CYBB: variants seen among roughly 807,000 people sequenced by gnomAD.
CYBB encodes the protein cytochrome b-245 beta chain.
CYBB carries 5 observed loss-of-function variants against 46.5 expected under a neutral mutation model. The observed-to-expected ratio is 0.11, with a 90% CI of 0.06 to 0.23. The LOEUF (loss-of-function observed/expected upper bound fraction) is 0.23, where lower values mean the gene tolerates loss of function less well. Ranked by LOEUF, CYBB falls within the 10% of genes least tolerant of loss-of-function variation. CYBB has a pLI of 1.00. For synonymous variants in CYBB, 183 were observed against 156.7 expected (o/e 1.17, Z -1.26); for missense variants, 307 against 428.3 (o/e 0.72, Z 2.50).
At chrX:37,798,715 C>T (rs1411046882) in intron 6 of CYBB, among the ~76,000 whole-genome samples, 4 of 112,166 alleles carry the variant, frequency 3.6e-5, no homozygotes, top group African/African-American at 9.7e-5. Flanking sequence ...TTTGATCCAA[C>T]ACTTACCCTC....
In CYBB at chrX:37,805,187, C is replaced by G. The variant is rs34834015; in HGVS notation, c.1314+19C>G. On this transcript the variant is annotated intron_variant, in intron 10 of 12. Coordinates refer to ENST00000378588, the MANE Select transcript of CYBB (RefSeq NM_000397.4). Reference sequence around the variant, plus strand: ...CAAAAAGGTAAGTCCTTTCATTTATCGGAGGGCCTTAGAGCAGTAACCATA... The same window carrying G: ...CAAAAAGGTAAGTCCTTTCATTTATGGGAGGGCCTTAGAGCAGTAACCATA... 1.8e-5 allele frequency: 22 copies of G among 1,203,177 alleles called. No homozygotes were observed. In the African/African-American group the frequency reaches 2.5e-4, roughly 13 times the overall value.
In CYBB at chrX:37,798,942, A is replaced by G. The variant is rs1929374557; in HGVS notation, c.675-13A>G. The G allele has an allele frequency of 8.3e-7, 1 of 1,201,061 alleles. No homozygotes were observed. Among genetic ancestry groups the G allele is most frequent in the Non-Finnish European group, 1.1e-6 (1 of 888,267 alleles). ...CTATTACTAAATGATCTGGACTTAC[A>G]TTTTTCACCCAGACGAATTGTACGT... is the stretch of plus-strand genomic sequence containing the variant. On this transcript the variant is annotated splice_polypyrimidine_tract_variant and intron_variant, in intron 6 of 12. Coordinates refer to ENST00000378588, the MANE Select transcript of CYBB (RefSeq NM_000397.4).
intron 3 of CYBB, among the ~76,000 whole-genome samples, chrX:37,787,989 A>G (rs183976608): frequency 3.8e-4 from 42 of 111,693 alleles, no homozygotes; most frequent in African/African-American, 1.3e-3. Flanking sequence ...AATATAATAT[A>G]TGTGTTTTAC....
Position 37,804,093 on chromosome X carries a change from G to A in CYBB, c.1114G>A (p.Asp372Asn). 1 of 1,210,668 alleles carries A rather than the reference G, an allele frequency of 8.3e-7. No homozygotes were observed. Among genetic ancestry groups the A allele is most frequent in the Non-Finnish European group, 1.1e-6 (1 of 894,874 alleles). The change falls in exon 9 of 13, where the codon GAT becomes AAT. Residue 372 changes from aspartate to asparagine, a missense_variant. By Grantham distance (23) the Asp-to-Asn change is conservative. This residue lies in a region of CYBB where 122 missense variants were observed against 208.3 expected (regional missense o/e 0.59). Transcript: ENST00000378588. ...TEGLFNACGC[D>N]KQEFQDAWKL... is the part of the protein sequence containing the mutation. The stretch of plus-strand genomic sequence containing the variant: ...GGGGCTGTTCAATGCTTGTGGCTGT[G>A]ATAAGCAGGAGTTTCAAGATGCGTG...
chrX:37,796,321 T>C (rs1427505743), intron 6 of CYBB, among the ~76,000 whole-genome samples, 180 bp downstream of exon 6: 5 of 111,723 alleles, frequency 4.5e-5, no homozygotes, highest in African/African-American at 1.3e-4. Context: ...TTTTGTTTCA[T>C]GCACCCATGT....
Position 37,799,204 on chromosome X carries a change from A to G in CYBB, c.804+120A>G, listed in dbSNP as rs1929384598. ...ATGTCCATTACAAATGTCATGGAACAGCTAAAACATGTGTCTACTTTTCTC... is the reference window on the plus strand; with the variant it reads ...ATGTCCATTACAAATGTCATGGAACGGCTAAAACATGTGTCTACTTTTCTC... On this transcript the variant is annotated intron_variant, in intron 7 of 12. Coordinates refer to ENST00000378588, the MANE Select transcript of CYBB (RefSeq NM_000397.4). 8 of 689,153 alleles carry G rather than the reference A, an allele frequency of 1.2e-5. No individual in the cohort carries two copies. In the Admixed American group the frequency reaches 1.9e-4, roughly 17 times the overall value. 56.8% of individuals were successfully genotyped at this position (689,153 alleles called of 1,213,427 possible). A position where few individuals can be genotyped will look rare whatever the true frequency, so the allele number is the denominator to read the frequency against.
chrX:37,792,059 G>A lies in CYBB; in HGVS notation c.337G>A (p.Ala113Thr), dbSNP rs1267047739. ...GGCATGGATGATTGCACTTCACTCT[G>A]GTAAGTTTATTAAAGAAAACTTGGA... is the stretch of plus-strand genomic sequence containing the variant. ...MVAWMIALHSAIHTIAHLFNV... is the reference protein window; with the variant it reads ...MVAWMIALHSTIHTIAHLFNV... Residue 113 changes from alanine to threonine, a missense_variant and splice_region_variant, in exon 4 of 13, where the codon GCG (alanine) becomes ACG (threonine). This residue lies in a region of CYBB where 103 missense variants were observed against 150.2 expected (regional missense o/e 0.69). Transcript: ENST00000378588. 7.6e-6 allele frequency: 9 copies of A among 1,180,145 alleles called. No individual in the cohort carries two copies. Among genetic ancestry groups the A allele is most frequent in the Non-Finnish European group, 1.0e-5 (9 of 868,706 alleles).
At chrX:37,785,601 G>T (rs1929048713) in intron 3 of CYBB, among the ~76,000 whole-genome samples, 1 of 111,544 alleles carries the variant, frequency 9.0e-6, no homozygotes, top group African/African-American at 3.3e-5. Flanking sequence ...CTGGAGTGCA[G>T]TGGTACGATC....
chrX:37,794,425 G>C (rs1929260173), intron 5 of CYBB, among the ~76,000 whole-genome samples: 1 of 111,547 alleles, frequency 9.0e-6, no homozygotes, highest in South Asian at 3.7e-4. Flanking sequence ...CATGATTTTG[G>C]AGTGGTTTTG....
At chrX:37,802,192 G>A (rs34090774) in intron 8 of CYBB, among the ~76,000 whole-genome samples, 4,343 of 111,040 alleles carry the variant, frequency 0.039, 213 homozygotes, top group African/African-American at 0.13. Flanking sequence ...TCTATGGTGG[G>A]TCATAGTAAA....
At position 37,806,411 on chromosome X, in the gene CYBB, G is replaced by T; in HGVS notation, c.1339G>T (p.Asp447Tyr). 8.3e-7 allele frequency: 1 copy of T among 1,210,934 alleles called. No individual in the cohort carries two copies. Among genetic ancestry groups the T allele is most frequent in the Non-Finnish European group, 1.1e-6 (1 of 894,979 alleles). The change falls in exon 11 of 13, where the codon GAC becomes TAC. Residue 447 changes from aspartate to tyrosine, a missense_variant. By Grantham distance (160) the Asp-to-Tyr change is radical. Around this residue, in one of 3 missense-constraint regions of CYBB, gnomAD observed 122 missense variants for 208.3 expected, o/e 0.59. Transcript: ENST00000378588. ...KKIYFYWLCR[D>Y]THAFEWFADL... Reference sequence around the variant, plus strand: ...GATCTACTTCTACTGGCTGTGCCGGGACACACATGCCTTTGAGTGGTTTGC... The same window carrying T: ...GATCTACTTCTACTGGCTGTGCCGGTACACACATGCCTTTGAGTGGTTTGC...
chrX:37,797,632 T>G (rs1287366201), intron 6 of CYBB, among the ~76,000 whole-genome samples: 4 of 112,258 alleles, frequency 3.6e-5, no homozygotes, highest in African/African-American at 1.3e-4. Flanking sequence ...CATTTTGAAC[T>G]TTAATAGTTA....
chrX:37,809,580 C>G lies in CYBB; in HGVS notation c.1475C>G (p.Ala492Gly). The G allele has an allele frequency of 8.3e-7, 1 of 1,200,653 alleles. No homozygotes were observed. The highest frequency in any genetic ancestry group is 1.1e-6 in the Non-Finnish European group (1 of 889,147). Residue 492 changes from alanine (A) to glycine (G), a missense_variant, in exon 12 of 13, where the codon GCT becomes GGT. By Grantham distance (60) the Ala-to-Gly change is moderately conservative. Around this residue, in one of 3 missense-constraint regions of CYBB, gnomAD observed 122 missense variants for 208.3 expected, o/e 0.59. Coordinates refer to ENST00000378588, the MANE Select transcript of CYBB (RefSeq NM_000397.4). Reference sequence around the variant, plus strand: ...CCTTTCCTGTAGGCCAATCACTTTGCTGTGCACCATGATGAGGAGAAAGAT... The same window carrying G: ...CCTTTCCTGTAGGCCAATCACTTTGGTGTGCACCATGATGAGGAGAAAGAT... Reference protein sequence around the residue: ...GWDESQANHFAVHHDEEKDVI... With the variant: ...GWDESQANHFGVHHDEEKDVI...
rs377381024 is a variant in CYBB, at chrX:37,801,368, T to C, written c.897+20T>C. ...ACCAAGGTACTGATTGGTTTAGTAA[T>C]TACTAGTGGTCAGTGTCTAACTATA... On this transcript the variant is annotated intron_variant, in intron 8 of 12. Coordinates refer to ENST00000378588, the MANE Select transcript of CYBB (RefSeq NM_000397.4). 3 of 1,050,322 alleles carry C rather than the reference T, an allele frequency of 2.9e-6. No homozygotes were observed. Among genetic ancestry groups the C allele is most frequent in the Non-Finnish European group, 4.0e-6 (3 of 749,721 alleles). The allele number at this position is 1,050,322 out of a possible 1,213,427, so 86.6% of individuals were successfully genotyped here. A position where few individuals can be genotyped will look rare whatever the true frequency, so the allele number is the denominator to read the frequency against.
rs2146803096 is a variant in CYBB at position 37,782,093 on chromosome X, T to C, written c.51T>C (p.Val17=). The C allele has an allele frequency of 1.7e-6, 2 of 1,206,043 alleles. No homozygotes were observed. The highest frequency in any genetic ancestry group is 2.2e-6 in the Non-Finnish European group (2 of 890,367). Residue 17 remains valine, a synonymous_variant, in exon 2 of 13, where the codon GTT becomes GTC. Transcript: ENST00000378588. Reference sequence around the variant, plus strand: ...AATTATTTCTGTTTGTGCAGCTGGTTTGGCTGGGGTTGAACGTCTTCCTCT... The same window carrying C: ...AATTATTTCTGTTTGTGCAGCTGGTCTGGCTGGGGTTGAACGTCTTCCTCT... ...NEGLSIFVIL[V]WLGLNVFLFV...
Position 37,812,648 on chromosome X carries a change from T to C in CYBB, c.*1731T>C, listed in dbSNP as rs1458677041. On this transcript the variant is annotated 3_prime_UTR_variant, in exon 13 of 13. Transcript: ENST00000378588. ...TGCTGAGGGGGATTATTCAAGGGAC[T>C]AGGATGAACTAAATAAGAACTCAGT... 3 of 111,910 alleles carry C rather than the reference T, an allele frequency of 2.7e-5. No individual in the cohort carries two copies. Among genetic ancestry groups the C allele is most frequent in the African/African-American group, 9.8e-5 (3 of 30,707 alleles). 9.2% of individuals were successfully genotyped at this position (111,910 alleles called of 1,213,427 possible).
intron 3 of CYBB, 134 bp downstream of exon 3, chrX:37,783,734 A>G (rs1929003315): frequency 3.9e-6 from 2 of 512,408 alleles, no homozygotes; most frequent in Admixed American, 5.5e-5. Flanking sequence ...CCAAGCCATT[A>G]TCTAGTATAT....
In CYBB at chrX:37,811,267, A is replaced by G; in HGVS notation, c.*350A>G. ...ATGAAACTGTGACCAGATCTAGCCC[A>G]TCTTACTCCAGGTTTGATACTCTTT... On this transcript the variant is annotated 3_prime_UTR_variant, in exon 13 of 13. Coordinates refer to ENST00000378588, the MANE Select transcript of CYBB (RefSeq NM_000397.4). 4.8e-6 allele frequency: 1 copy of G among 209,571 alleles called. No individual in the cohort carries two copies. Among genetic ancestry groups the G allele is most frequent in the Non-Finnish European group, 8.8e-6 (1 of 113,731 alleles). The allele number at this position is 209,571 out of a possible 1,213,427, so 17.3% of individuals were successfully genotyped here. A position where few individuals can be genotyped will look rare whatever the true frequency, so the allele number is the denominator to read the frequency against.
At chrX:37,810,769 C>T in intron 12 of CYBB, 22 bp from the exon 13 acceptor site, 1 of 1,190,263 alleles carries the variant, frequency 8.4e-7, no homozygotes, top group Non-Finnish European at 1.1e-6. Context: ...TTGAAATTGT[C>T]TTTTTTTTTC....
Sources: allele counts gnomAD v4.1 joint callset (sites outside exome capture counted in the v4.1 genomes callset), GRCh38; gene constraint gnomAD v4.1.1; regional missense constraint gnomAD v4.1.1; transcripts MANE v1.5; gene names NCBI Gene and HGNC (gene_info 2026-07-23, HGNC 2026-07-21).